PDSS2: variants seen among roughly 807,000 people sequenced by gnomAD.
PDSS2 encodes the protein all trans-polyprenyl-diphosphate synthase PDSS2.
In PDSS2, 31 loss-of-function variants were observed where a neutral mutation model predicts 44.5. That is an observed-to-expected ratio of 0.70 (90% confidence interval 0.52 to 0.94). The LOEUF (loss-of-function observed/expected upper bound fraction) is 0.94, where lower values mean the gene tolerates loss of function less well. Ranked by LOEUF, PDSS2 falls within the 40% of genes least tolerant of loss-of-function variation. The pLI is 0.00. For synonymous variants in PDSS2, 157 were observed against 180.3 expected (o/e 0.87, Z 1.03); for missense variants, 452 against 482.2 (o/e 0.94, Z 0.59).
At chr6:107,171,937 C>T (rs946834625) in intron 7 of PDSS2, among the ~76,000 whole-genome samples, 8 of 152,110 alleles carry the variant, frequency 5.3e-5, no homozygotes, top group Non-Finnish European at 7.3e-5. Flanking sequence ...TTGAAGATCG[C>T]TGTAGTCATA....
chr6:107,355,839 A>T (rs1250681172), intron 1 of PDSS2, among the ~76,000 whole-genome samples: 1 of 152,220 alleles, frequency 6.6e-6, no homozygotes, highest in Non-Finnish European at 1.5e-5. Context: ...TTTAGGCAGG[A>T]TTTCTGGGAG....
At position 107,248,022 on chromosome 6, in the gene PDSS2, C is replaced by CA. The variant is rs796967648; in HGVS notation, c.631-2404dup. 2.1e-3 allele frequency among the ~76,000 whole-genome samples: 288 copies of CA among 134,156 alleles called. 3 individuals are homozygous for CA. In the Middle Eastern group the frequency reaches 0.027, roughly 13 times the overall value. 88.0% of individuals were successfully genotyped at this position (134,156 alleles called of 152,430 possible). A position where few individuals can be genotyped will look rare whatever the true frequency, so the allele number is the denominator to read the frequency against. ...GGGCGACAAGAGCGAAACTCCATCT[C>CA]AAAAAAAAAAAGAAAGATGTGTTTA... On this transcript the variant is annotated intron_variant, in intron 3 of 7. Transcript: ENST00000369037.
intron 3 of PDSS2, among the ~76,000 whole-genome samples, chr6:107,272,654 C>A (rs1775641152): frequency 6.6e-6 from 1 of 152,104 alleles, no homozygotes; most frequent in South Asian, 2.1e-4. Context: ...CCTTTATAAC[C>A]TTTCCAGAAA....
intron 2 of PDSS2, among the ~76,000 whole-genome samples, chr6:107,278,017 T>C (rs1775844774): frequency 6.6e-6 from 1 of 151,352 alleles, no homozygotes; most frequent in African/African-American, 2.4e-5. Context: ...AATCATCAAA[T>C]AATATATGAG....
intron 1 of PDSS2, among the ~76,000 whole-genome samples, chr6:107,398,414 T>C (rs1780011242): frequency 6.6e-6 from 1 of 152,232 alleles, no homozygotes; most frequent in Non-Finnish European, 1.5e-5. Flanking sequence ...ATTATTGTTT[T>C]AAAAGTAATA....
intron 1 of PDSS2, among the ~76,000 whole-genome samples, chr6:107,450,271 G>C (rs778016310): frequency 1.3e-5 from 2 of 152,214 alleles, no homozygotes; most frequent in Non-Finnish European, 2.9e-5. Context: ...TTCCAGTTGG[G>C]AAATAATTAA....
At chr6:107,443,067 G>A (rs1343097253) in intron 1 of PDSS2, among the ~76,000 whole-genome samples, 3 of 152,162 alleles carry the variant, frequency 2.0e-5, no homozygotes, top group Non-Finnish European at 2.9e-5. Context: ...GAAGGGAGAG[G>A]AGGGATGTGG....
chr6:107,415,634 G>A (rs72941749), intron 1 of PDSS2, among the ~76,000 whole-genome samples: 10,528 of 152,142 alleles, frequency 0.069, 430 homozygotes, highest in Non-Finnish European at 0.092. Flanking sequence ...TAGAAGGTTG[G>A]ATATATATTT....
At chr6:107,394,975 T>C (rs1417470777) in intron 1 of PDSS2, among the ~76,000 whole-genome samples, 1 of 152,224 alleles carries the variant, frequency 6.6e-6, no homozygotes, top group Non-Finnish European at 1.5e-5. Flanking sequence ...ACATTTCTCA[T>C]ACTGGTGATC....
intron 1 of PDSS2, among the ~76,000 whole-genome samples, chr6:107,385,018 G>T (rs1317104735): frequency 1.3e-5 from 2 of 152,146 alleles, no homozygotes; most frequent in African/African-American, 4.8e-5. Context: ...CTGCTCAAAT[G>T]AATCTTCAAA....
At chr6:107,458,818 T>A (rs1476334957) in intron 1 of PDSS2, among the ~76,000 whole-genome samples, 172 bp downstream of exon 1, 1 of 152,028 alleles carries the variant, frequency 6.6e-6, no homozygotes, top group East Asian at 1.9e-4. Context: ...GCAAGAACGT[T>A]AAGTGGACTA....
chr6:107,249,914 A>T lies in PDSS2; in HGVS notation c.631-4295T>A, dbSNP rs1221511335. On this transcript the variant is annotated intron_variant, in intron 3 of 7. Transcript: ENST00000369037. ...TATCTGAACCTTAACAAAATTATAG[A>T]TCTGACATAATTAACCTTTGTGATG... 2.6e-5 allele frequency among the ~76,000 whole-genome samples: 4 copies of T among 152,210 alleles called. No homozygotes were observed. In the East Asian group the frequency reaches 7.7e-4, roughly 29 times the overall value.
At chr6:107,217,470 G>C (rs1022088562) in intron 4 of PDSS2, among the ~76,000 whole-genome samples, 4 of 151,888 alleles carry the variant, frequency 2.6e-5, no homozygotes, top group African/African-American at 9.7e-5. Context: ...AATTAGAGAA[G>C]GCAAGGAAAT....
chr6:107,437,351 C>A (rs899746013), intron 1 of PDSS2, among the ~76,000 whole-genome samples: 3 of 151,956 alleles, frequency 2.0e-5, no homozygotes, highest in African/African-American at 7.3e-5. Flanking sequence ...ATGGCGAAAC[C>A]CTGTCTTTAC....
rs568116579 is a variant in PDSS2, at chr6:107,369,637, C to T, written c.297-35305G>A. Among the ~76,000 whole-genome samples, 5 of 152,224 alleles carry T rather than the reference C, an allele frequency of 3.3e-5. No homozygotes were observed. In the East Asian group the frequency reaches 5.8e-4, roughly 18 times the overall value. On this transcript the variant is annotated intron_variant, in intron 1 of 7. Transcript: ENST00000369037. ...AAGGATTGTCCTATCCACAAAAGGA[C>T]GTTTAACTGCATCCCTGGCTGGCTC...
At chr6:107,381,872 G>T (rs1291238402) in intron 1 of PDSS2, among the ~76,000 whole-genome samples, 1 of 152,120 alleles carries the variant, frequency 6.6e-6, no homozygotes, top group African/African-American at 2.4e-5. Context: ...ACAGCTACAG[G>T]TGATTTTTTC....
chr6:107,225,213 C>T (rs1296825904), intron 4 of PDSS2, among the ~76,000 whole-genome samples: 3 of 122,202 alleles, frequency 2.5e-5, no homozygotes, highest in Non-Finnish European at 4.7e-5. Flanking sequence ...ACTCTGTTGC[C>T]CAGGCTGGAG....
At chr6:107,234,125 C>A (rs888078071) in intron 4 of PDSS2, among the ~76,000 whole-genome samples, 2 of 152,028 alleles carry the variant, frequency 1.3e-5, no homozygotes, top group African/African-American at 4.8e-5. Context: ...ATTCAAAGTC[C>A]AATTACAGTA....
intron 2 of PDSS2, among the ~76,000 whole-genome samples, chr6:107,304,822 C>T (rs1776805629): frequency 6.6e-6 from 1 of 152,158 alleles, no homozygotes; most frequent in Admixed American, 6.5e-5. Context: ...AGCAGCAATA[C>T]CTGAACCTGT....
Sources: gnomAD v4.1 joint callset for allele counts (sites outside exome capture counted in the v4.1 genomes callset) on GRCh38, gnomAD v4.1.1 for gene constraint, MANE v1.5 for transcripts, NCBI Gene and HGNC (gene_info 2026-07-23, HGNC 2026-07-21) for gene names.